Variants in ANXA4 observed in about 807,000 individuals in gnomAD.
The protein encoded by ANXA4 is 35-beta calcimedin.
ANXA4 carries 39 observed loss-of-function variants against 49.8 expected under a neutral mutation model. The observed-to-expected ratio is 0.78, with a 90% CI of 0.61 to 1.02. ANXA4 has a LOEUF of 1.02. ANXA4 is among the 50% of genes least tolerant of loss of function. ANXA4 has a pLI of 0.00. For missense variants in ANXA4, 360 were observed against 410.1 expected (o/e 0.88, Z 1.05); for synonymous variants, 134 against 152.5 (o/e 0.88, Z 0.89).
chr2:69,783,562 T>A (rs1299672567), intron 2 of ANXA4, among the ~76,000 whole-genome samples: 2 of 152,252 alleles, frequency 1.3e-5, no homozygotes, highest in African/African-American at 4.8e-5. Context: ...TAATATTTTT[T>A]AAATCATTGT....
intron 3 of ANXA4, among the ~76,000 whole-genome samples, chr2:69,801,242 C>T (rs928698146): frequency 1.3e-5 from 2 of 152,200 alleles, no homozygotes; most frequent in East Asian, 1.9e-4. Flanking sequence ...GTTGGTACAG[C>T]GGCCAGCATT....
At chr2:69,659,619 T>C (rs571506383) in intron 2 of ANXA4, among the ~76,000 whole-genome samples, 1 of 152,226 alleles carries the variant, frequency 6.6e-6, no homozygotes, top group African/African-American at 2.4e-5. Flanking sequence ...GTAAGAATCA[T>C]GTATAAAAAT....
At chr2:69,649,312 T>C (rs983402250) in intron 1 of ANXA4, among the ~76,000 whole-genome samples, 1 of 152,192 alleles carries the variant, frequency 6.6e-6, no homozygotes, top group Non-Finnish European at 1.5e-5. Context: ...AAATCAGCTA[T>C]AATTCTACCA....
At chr2:69,782,266 A>G (rs1476719042) in intron 2 of ANXA4, among the ~76,000 whole-genome samples, 2 of 152,230 alleles carry the variant, frequency 1.3e-5, no homozygotes, top group South Asian at 2.1e-4. Flanking sequence ...TCTTATACCT[A>G]GAGAGGAACT....
chr2:69,780,303 T>G (rs568653690), intron 1 of ANXA4, among the ~76,000 whole-genome samples: 12 of 152,308 alleles, frequency 7.9e-5, no homozygotes, highest in African/African-American at 2.6e-4. Flanking sequence ...CAAGTGATTC[T>G]CCTGCCTCAG....
chr2:69,773,621 C>T (rs1389308036), intron 1 of ANXA4, among the ~76,000 whole-genome samples: 16 of 93,060 alleles, frequency 1.7e-4, no homozygotes, highest in East Asian at 7.9e-4. Flanking sequence ...TTCTTTCCTT[C>T]TTTTTTTTTT....
At chr2:69,793,482 G>A (rs2103741830) in intron 3 of ANXA4, among the ~76,000 whole-genome samples, 1 of 151,662 alleles carries the variant, frequency 6.6e-6, no homozygotes, top group South Asian at 2.1e-4. Flanking sequence ...CAATTAATTA[G>A]AGCTCCTTTT....
chr2:69,683,145 A>G (rs1677656884), intron 2 of ANXA4, among the ~76,000 whole-genome samples: 1 of 152,346 alleles, frequency 6.6e-6, no homozygotes, highest in African/African-American at 2.4e-5. Flanking sequence ...ACATTCCTAC[A>G]TATGGGTTAA....
At chr2:69,743,606 G>A (rs546768588) in intron 1 of ANXA4, among the ~76,000 whole-genome samples, 1 of 152,230 alleles carries the variant, frequency 6.6e-6, no homozygotes, top group East Asian at 1.9e-4. Flanking sequence ...ATAAGAAAAC[G>A]GATAACCCCA....
chr2:69,761,366 A>T (rs1212068934), intron 1 of ANXA4, among the ~76,000 whole-genome samples: 1 of 152,200 alleles, frequency 6.6e-6, no homozygotes, highest in Non-Finnish European at 1.5e-5. Context: ...TTTCAAACAT[A>T]CTTCAAAAAT....
intron 2 of ANXA4, among the ~76,000 whole-genome samples, chr2:69,713,308 G>C (rs1678735956): frequency 6.6e-6 from 1 of 152,014 alleles, no homozygotes; most frequent in Non-Finnish European, 1.5e-5. Context: ...CACACTTTCT[G>C]GCCCTCTCCC....
intron 1 of ANXA4, among the ~76,000 whole-genome samples, chr2:69,750,109 C>G (rs748077227): frequency 5.9e-5 from 9 of 151,730 alleles, no homozygotes; most frequent in Non-Finnish European, 1.2e-4. Context: ...TTATGTATTA[C>G]CAATTAATTA....
At chr2:69,678,373 C>T (rs1363368893) in intron 2 of ANXA4, among the ~76,000 whole-genome samples, 5 of 145,286 alleles carry the variant, frequency 3.4e-5, no homozygotes, top group Admixed American at 1.4e-4. Flanking sequence ...TACAAATCTA[C>T]ACTTTCTTTT....
At chr2:69,786,411 T>C (rs1265219445) in intron 2 of ANXA4, among the ~76,000 whole-genome samples, 2 of 152,130 alleles carry the variant, frequency 1.3e-5, no homozygotes, top group African/African-American at 4.8e-5. Context: ...GGTCTCTGCA[T>C]CTCTCTACAG....
chr2:69,709,003 G>C (rs1678592819), intron 2 of ANXA4, among the ~76,000 whole-genome samples: 1 of 152,010 alleles, frequency 6.6e-6, no homozygotes, highest in African/African-American at 2.4e-5. Flanking sequence ...AACATATATA[G>C]TGTGTCTGCC....
intron 2 of ANXA4, among the ~76,000 whole-genome samples, chr2:69,679,904 A>G (rs1286875294): frequency 6.6e-6 from 1 of 152,148 alleles, no homozygotes; most frequent in African/African-American, 2.4e-5. Context: ...TTGCTATGCT[A>G]TAACCTTGTA....
At chr2:69,819,134 A>G (rs1256582193) in intron 10 of ANXA4, 146 bp from the exon 11 acceptor site, 6 of 591,422 alleles carry the variant, frequency 1.0e-5, no homozygotes, top group African/African-American at 1.9e-5. Flanking sequence ...AGCATCGCCT[A>G]TGTTCATGAA....
intron 3 of ANXA4, among the ~76,000 whole-genome samples, chr2:69,798,859 T>A (rs1318251737): frequency 6.6e-6 from 1 of 152,112 alleles, no homozygotes; most frequent in Non-Finnish European, 1.5e-5. Context: ...CTGGGGTGAA[T>A]ACTGAGGTTC....
chr2:69,736,427 T>C lies in ANXA4; in HGVS notation n.864+15556T>C, dbSNP rs1252244588. ...TGTGAGGATTAAATCATTAATATCA[T>C]ATATTTAAAGCACCTAGAATACTGA... On this transcript the variant is annotated intron_variant and non_coding_transcript_variant, in intron 3 of 3. Coordinates refer to the ANXA4 transcript ENST00000418066. 5.3e-5 allele frequency among the ~76,000 whole-genome samples: 8 copies of C among 152,334 alleles called. No homozygotes were observed. The East Asian group carries it at 1.3e-3, about 26-fold the overall frequency.
Sources: allele counts gnomAD v4.1 joint callset (sites outside exome capture counted in the v4.1 genomes callset), GRCh38; gene constraint gnomAD v4.1.1; transcripts MANE v1.5; gene names NCBI Gene and HGNC (gene_info 2026-07-23, HGNC 2026-07-21).